LRRC4C: variants seen among roughly 807,000 people sequenced by gnomAD.
LRRC4C encodes leucine-rich repeat-containing protein 4C.
Under a neutral mutation model 33.6 loss-of-function variants are expected in LRRC4C, and 5 were observed. That is an observed-to-expected ratio of 0.15 (90% CI 0.08 to 0.31). LRRC4C has a LOEUF of 0.31. LRRC4C is among the 10% of genes least tolerant of loss of function. The pLI is 1.00. For synonymous variants in LRRC4C, 329 were observed against 302.0 expected (o/e 1.09, Z -0.93); for missense variants, 560 against 796.7 (o/e 0.70, Z 3.58).
chr11:40,915,318 A>C (rs2136308025), intron 2 of LRRC4C, among the ~76,000 whole-genome samples: 1 of 152,288 alleles, frequency 6.6e-6, no homozygotes, highest in East Asian at 1.9e-4. Flanking sequence ...ACAGTAACCA[A>C]AACAGCATGG....
rs1948253730 is a variant in LRRC4C, at chr11:40,743,335, T to C, written c.-406-95057A>G. Among the ~76,000 whole-genome samples, 3 of 152,168 alleles carry C rather than the reference T, an allele frequency of 2.0e-5. No individual in the cohort carries two copies. In the South Asian group the frequency reaches 6.2e-4, roughly 32 times the overall value. ...CTGTATTAGTTTTCTCTTGCTGCGG[T>C]AACAAACTATCATAAGCTGTTGGCT... On this transcript the variant is annotated intron_variant, in intron 2 of 6. Coordinates refer to ENST00000528697, the MANE Select transcript of LRRC4C (RefSeq NM_001258419.2).
At chr11:40,706,379 T>C (rs555185166) in intron 2 of LRRC4C, among the ~76,000 whole-genome samples, 18 of 152,286 alleles carry the variant, frequency 1.2e-4, no homozygotes, top group African/African-American at 4.3e-4. Context: ...CTTGAATTAA[T>C]TTTTGTATAA....
intron 3 of LRRC4C, among the ~76,000 whole-genome samples, chr11:40,618,108 A>G (rs1426131167): frequency 6.6e-6 from 1 of 151,680 alleles, no homozygotes; most frequent in East Asian, 1.9e-4. Flanking sequence ...CAAAGTTCAT[A>G]TCTATTTAGA....
At chr11:41,034,417 A>T (rs1439365408) in intron 1 of LRRC4C, among the ~76,000 whole-genome samples, 1 of 140,116 alleles carries the variant, frequency 7.1e-6, no homozygotes, top group Non-Finnish European at 1.5e-5. Context: ...AGACTAAGAC[A>T]CATATGAACA....
At chr11:40,756,718 A>T (rs540643158) in intron 2 of LRRC4C, among the ~76,000 whole-genome samples, 6 of 152,240 alleles carry the variant, frequency 3.9e-5, no homozygotes, top group African/African-American at 1.4e-4. Flanking sequence ...ATTTAATGTG[A>T]AGCATCCTAA....
chr11:41,366,291 C>T (rs1202905616), intron 1 of LRRC4C, among the ~76,000 whole-genome samples: 1 of 151,894 alleles, frequency 6.6e-6, no homozygotes, highest in Non-Finnish European at 1.5e-5. Flanking sequence ...CTTATTCCTG[C>T]CAGTCCACTC....
chr11:40,320,329 C>T (rs886706355), intron 3 of LRRC4C, among the ~76,000 whole-genome samples: 1 of 151,986 alleles, frequency 6.6e-6, no homozygotes, highest in Non-Finnish European at 1.5e-5. Flanking sequence ...CACGGTGAAA[C>T]CCCATTTCCA....
intron 2 of LRRC4C, among the ~76,000 whole-genome samples, chr11:40,738,645 C>G (rs1406187441): frequency 6.6e-6 from 1 of 152,086 alleles, no homozygotes; most frequent in African/African-American, 2.4e-5. Context: ...AACTTTAGCT[C>G]TCCCCAAAGT....
chr11:41,441,822 A>T (rs1400504069), intron 1 of LRRC4C, among the ~76,000 whole-genome samples: 2 of 152,128 alleles, frequency 1.3e-5, no homozygotes, highest in Non-Finnish European at 2.9e-5. Context: ...GAGAAAAATG[A>T]ACTCCAATTC....
At chr11:40,496,651 A>G (rs1360706962) in intron 3 of LRRC4C, among the ~76,000 whole-genome samples, 1 of 152,036 alleles carries the variant, frequency 6.6e-6, no homozygotes, top group Non-Finnish European at 1.5e-5. Context: ...CTTCATACAC[A>G]CCTGAGTTAT....
intron 2 of LRRC4C, among the ~76,000 whole-genome samples, chr11:40,850,130 G>A (rs1953408360): frequency 6.6e-6 from 1 of 151,776 alleles, no homozygotes; most frequent in African/African-American, 2.4e-5. Context: ...GCCTATTTCT[G>A]TCAATTCATC....
chr11:40,962,032 C>T (rs1236068673), intron 1 of LRRC4C, among the ~76,000 whole-genome samples: 1 of 151,502 alleles, frequency 6.6e-6, no homozygotes, highest in African/African-American at 2.4e-5. Context: ...ACACTCTGGC[C>T]TGTAAGAAGC....
At chr11:40,642,478 A>T (rs566316652) in intron 3 of LRRC4C, among the ~76,000 whole-genome samples, 1 of 152,136 alleles carries the variant, frequency 6.6e-6, no homozygotes, top group African/African-American at 2.4e-5. Flanking sequence ...CTAATGTACT[A>T]CATTAGGCAC....
chr11:41,228,403 T>C (rs1280838720), intron 1 of LRRC4C, among the ~76,000 whole-genome samples: 2 of 152,130 alleles, frequency 1.3e-5, no homozygotes, highest in East Asian at 3.9e-4. Context: ...AGGTAAACAA[T>C]TATTTTCCAT....
chr11:40,313,013 A>C (rs1160337295), intron 4 of LRRC4C, among the ~76,000 whole-genome samples: 1 of 152,078 alleles, frequency 6.6e-6, no homozygotes, highest in African/African-American at 2.4e-5. Context: ...AATGTCTATC[A>C]CGCCAGAAGT....
At chr11:40,892,489 C>A (rs1955763034) in intron 2 of LRRC4C, among the ~76,000 whole-genome samples, 1 of 151,952 alleles carries the variant, frequency 6.6e-6, no homozygotes, top group African/African-American at 2.4e-5. Flanking sequence ...TATTTGTACA[C>A]CAGTGTTCAT....
At chr11:41,438,009 G>A (rs903205728) in intron 1 of LRRC4C, among the ~76,000 whole-genome samples, 1 of 149,448 alleles carries the variant, frequency 6.7e-6, no homozygotes, top group Non-Finnish European at 1.5e-5. Context: ...TCACACTCCA[G>A]CCTGGGCGAC....
chr11:40,567,518 G>C (rs1485206715), intron 3 of LRRC4C, among the ~76,000 whole-genome samples: 5 of 152,186 alleles, frequency 3.3e-5, no homozygotes, highest in Non-Finnish European at 7.3e-5. Flanking sequence ...ACTTAGGCAA[G>C]GGCTGATAAG....
intron 2 of LRRC4C, among the ~76,000 whole-genome samples, chr11:40,933,258 C>T (rs187269491): frequency 1.8e-4 from 27 of 152,312 alleles, no homozygotes; most frequent in Admixed American, 9.2e-4. Flanking sequence ...AAGAGACAAA[C>T]TGACTCCTGG....
Sources: allele counts gnomAD v4.1 joint callset (sites outside exome capture counted in the v4.1 genomes callset), GRCh38; gene constraint gnomAD v4.1.1; transcripts MANE v1.5; gene names NCBI Gene and HGNC (gene_info 2026-07-23, HGNC 2026-07-21).